Variants in PCGF3 observed in about 807,000 individuals in gnomAD.
PCGF3 encodes the protein polycomb group ring finger 3.
In PCGF3, 7 loss-of-function variants were observed where a neutral mutation model predicts 33.1. That is an observed-to-expected ratio of 0.21 (90% CI 0.12 to 0.40). The LOEUF (loss-of-function observed/expected upper bound fraction) is 0.40, where lower values mean the gene tolerates loss of function less well. Ranked by LOEUF, PCGF3 falls within the 10% of genes least tolerant of loss-of-function variation. The probability of loss-of-function intolerance (pLI) is 1.00; values close to 1 mark genes in which losing one functional copy is unlikely to be tolerated. For missense variants in PCGF3, 211 were observed against 313.3 expected, an observed-to-expected ratio of 0.67 and a Z score of 2.46; for synonymous variants, 153 against 121.3, an observed-to-expected ratio of 1.26 and a Z score of -1.72.
chr4:727,566 T>C (rs1307439109), intron 1 of PCGF3, among the ~76,000 whole-genome samples: 3 of 152,148 alleles, frequency 2.0e-5, no homozygotes, highest in Non-Finnish European at 4.4e-5. Flanking sequence ...AAATCATGAA[T>C]GGACAATTAT....
At chr4:752,067 CCTTT>C (rs2152605515) in intron 8 of PCGF3, among the ~76,000 whole-genome samples, 1 of 152,366 alleles carries the variant, frequency 6.6e-6, no homozygotes, top group African/African-American at 2.4e-5. Flanking sequence ...CTTGACGGGG[CCTTT>C]CTTTCTGTTT....
At chr4:754,879 C>T (rs1051332509) in intron 8 of PCGF3, among the ~76,000 whole-genome samples, 1 of 152,300 alleles carries the variant, frequency 6.6e-6, no homozygotes, top group South Asian at 2.1e-4. Context: ...GCGGGTGCAG[C>T]ACTGGGTTTG....
intron 8 of PCGF3, chr4:757,812 G>A (rs1744834017): frequency 6.6e-6 from 1 of 152,058 alleles, no homozygotes; most frequent in Non-Finnish European, 1.5e-5. Context: ...TGGTTTGCAA[G>A]GTATAAGCTC....
intron 1 of PCGF3, among the ~76,000 whole-genome samples, chr4:727,012 CGCTCCTGCGTCT>C (rs1327408690): frequency 6.6e-6 from 1 of 152,130 alleles, no homozygotes; most frequent in African/African-American, 2.4e-5. Flanking sequence ...AACGTGTGTG[CGCTCCTGCGTCT>C]GCCCCTCTCC....
At chr4:758,454 A>C in intron 8 of PCGF3, among the ~76,000 whole-genome samples, 1 of 119,008 alleles carries the variant, frequency 8.4e-6, no homozygotes, top group East Asian at 2.5e-4. Context: ...CTCCTTCCGG[A>C]CTCCGGGTCT....
intron 8 of PCGF3, among the ~76,000 whole-genome samples, chr4:752,157 C>T (rs1212496501): frequency 6.6e-6 from 1 of 152,238 alleles, no homozygotes; most frequent in Non-Finnish European, 1.5e-5. Flanking sequence ...CACACTTGAC[C>T]TTGGGAGTTT....
chr4:759,911 T>C (rs1744948706), intron 8 of PCGF3, among the ~76,000 whole-genome samples: 1 of 141,620 alleles, frequency 7.1e-6, no homozygotes, highest in African/African-American at 2.6e-5. Context: ...GCGGCCCCTC[T>C]CCCGAGTTCT....
chr4:726,788 A>T (rs1743349931), intron 1 of PCGF3, among the ~76,000 whole-genome samples: 1 of 151,952 alleles, frequency 6.6e-6, no homozygotes, highest in African/African-American at 2.4e-5. Flanking sequence ...TAATTCTAAG[A>T]TACACACTAA....
At chr4:763,895 C>T (rs1299036245) in intron 9 of PCGF3, among the ~76,000 whole-genome samples, 2 of 152,186 alleles carry the variant, frequency 1.3e-5, no homozygotes, top group African/African-American at 4.8e-5. Flanking sequence ...AGCAGTCGGG[C>T]CAAGAGCAGG....
chr4:754,509 G>A (rs1744681084), intron 8 of PCGF3, among the ~76,000 whole-genome samples: 2 of 152,222 alleles, frequency 1.3e-5, no homozygotes, highest in African/African-American at 4.8e-5. Context: ...AGGGGCGGAG[G>A]GTAGAAAGAG....
chr4:735,846 C>T (rs1165971176), intron 5 of PCGF3, among the ~76,000 whole-genome samples: 1 of 152,162 alleles, frequency 6.6e-6, no homozygotes, highest in Non-Finnish European at 1.5e-5. Flanking sequence ...GCCTGGACGT[C>T]AGCAGGAGGC....
At chr4:765,955 G>C (rs1462082541) in intron 10 of PCGF3, 77 bp from the exon 11 acceptor site, 5 of 1,350,094 alleles carry the variant, frequency 3.7e-6, no homozygotes, top group Non-Finnish European at 5.3e-6. Flanking sequence ...TGATTCCTCA[G>C]CACCCTTCCC....
At chr4:738,141 T>G (rs1339418807) in intron 6 of PCGF3, among the ~76,000 whole-genome samples, 1 of 152,368 alleles carries the variant, frequency 6.6e-6, no homozygotes, top group East Asian at 1.9e-4. Flanking sequence ...CCTGGTATTC[T>G]GCTCATCAGA....
At position 721,439 on chromosome 4, in the gene PCGF3, G is replaced by T. The variant is rs1249045794; in HGVS notation, c.-189-9191G>T. Among the ~76,000 whole-genome samples, 3 of 152,208 alleles carry T rather than the reference G, an allele frequency of 2.0e-5. No individual in the cohort carries two copies. Among genetic ancestry groups the T allele is most frequent in the Admixed American group, 6.5e-5 (1 of 15,292 alleles). On this transcript the variant is annotated intron_variant, in intron 1 of 10. Transcript: ENST00000362003. This position sits in a 1 kb window ranked among gnomAD's most constrained non-coding sequence, Gnocchi z 4.1. ...GCTCCCCAGAGGAAGGCTGGGCTGGGCAGTCAGCCAGACGGGAAAGGGGGC... is the reference window on the plus strand; with the variant it reads ...GCTCCCCAGAGGAAGGCTGGGCTGGTCAGTCAGCCAGACGGGAAAGGGGGC...
chr4:722,989 G>A lies in PCGF3; in HGVS notation c.-189-7641G>A, dbSNP rs564214383. ...CCGGGTCCACACTCAGTCATCGCCC[G>A]TCCGTGCCGGGTCCACATTCGCGTC... is the stretch of plus-strand genomic sequence containing the variant. On this transcript the variant is annotated intron_variant, in intron 1 of 10. Coordinates refer to ENST00000362003, the Ensembl canonical transcript of PCGF3. 1.1e-4 allele frequency among the ~76,000 whole-genome samples: 13 copies of A among 119,624 alleles called. No individual in the cohort carries two copies. The South Asian group carries it at 1.9e-3, about 17-fold the overall frequency. The allele number at this position is 119,624 out of a possible 152,430, so 78.5% of individuals were successfully genotyped here.
At chr4:753,575 A>G (rs1744624429) in intron 8 of PCGF3, among the ~76,000 whole-genome samples, 1 of 151,418 alleles carries the variant, frequency 6.6e-6, no homozygotes, top group Admixed American at 6.6e-5. Context: ...CCCGGGAGGC[A>G]GAGCTTGCAG....
At chr4:758,378 CT>C (rs1744873792) in intron 8 of PCGF3, among the ~76,000 whole-genome samples, 1 of 145,282 alleles carries the variant, frequency 6.9e-6, no homozygotes, top group Non-Finnish European at 1.5e-5. Context: ...CGAGGCCCCT[CT>C]CCGGAGTTCT....
chr4:734,269 C>T (rs1743741924), intron 4 of PCGF3: 1 of 1,470,286 alleles, frequency 6.8e-7, no homozygotes, highest in Non-Finnish European at 9.0e-7. Context: ...GGGCAGGTGC[C>T]ATCCATCAGG....
At chr4:708,018 T>C (rs1742405018) in intron 1 of PCGF3, among the ~76,000 whole-genome samples, 1 of 134,422 alleles carries the variant, frequency 7.4e-6, no homozygotes, top group East Asian at 2.2e-4. Context: ...TGTTTTCCCC[T>C]GGGGGCCGGG....
Sources: gnomAD v4.1 joint callset for allele counts (sites outside exome capture counted in the v4.1 genomes callset) on GRCh38, gnomAD v4.1.1 for gene constraint, Gnocchi (gnomAD v3.1) non-coding constraint, MANE v1.5 for transcripts, NCBI Gene and HGNC (gene_info 2026-07-23, HGNC 2026-07-21) for gene names.